Variants in NFATC1 observed in about 807,000 individuals in gnomAD.
The protein encoded by NFATC1 is nuclear factor of activated T cells 1.
NFATC1 carries 22 observed loss-of-function variants against 76.0 expected under a neutral mutation model. The ratio of observed to expected loss-of-function variants is 0.29; its 90% CI spans 0.21 to 0.41. The LOEUF is 0.41. Ranked by LOEUF, NFATC1 falls within the 10% of genes least tolerant of loss-of-function variation. The pLI is 1.00. For synonymous variants in NFATC1, 704 were observed against 613.1 expected (o/e 1.15, Z -2.19); for missense variants, 1,357 against 1,337.7 (o/e 1.01, Z -0.23).
At chr18:79,420,569 C>T (rs548797048) in intron 2 of NFATC1, among the ~76,000 whole-genome samples, 47 of 149,606 alleles carry the variant, frequency 3.1e-4, no homozygotes, top group Non-Finnish European at 5.8e-4. Flanking sequence ...CAGGTGACAT[C>T]GCTACAGACA....
intron 9 of NFATC1, among the ~76,000 whole-genome samples, chr18:79,512,655 C>G (rs1373605330): frequency 1.3e-5 from 2 of 152,222 alleles, no homozygotes; most frequent in African/African-American, 4.8e-5. Flanking sequence ...TGTGCCTCCC[C>G]CGTTTGCTGA....
chr18:79,523,542 C>T (rs2090670700), intron 9 of NFATC1, among the ~76,000 whole-genome samples: 2 of 152,264 alleles, frequency 1.3e-5, no homozygotes, highest in Admixed American at 1.3e-4. Context: ...GTGGCCCCAG[C>T]AAGGGCACAG....
intron 9 of NFATC1, among the ~76,000 whole-genome samples, chr18:79,503,014 G>T (rs1162455249): frequency 2.0e-5 from 3 of 152,240 alleles, no homozygotes; most frequent in Admixed American, 6.5e-5. Context: ...ACAAAGGCTT[G>T]TACATGACTG....
intron 3 of NFATC1, among the ~76,000 whole-genome samples, chr18:79,445,822 C>T (rs545307644): frequency 1.3e-5 from 2 of 152,304 alleles, no homozygotes; most frequent in Admixed American, 6.5e-5. Context: ...GACATTCCCA[C>T]CCGTGAGCTG....
chr18:79,520,327 C>G (rs1481620609), intron 9 of NFATC1, among the ~76,000 whole-genome samples: 1 of 137,128 alleles, frequency 7.3e-6, no homozygotes, highest in African/African-American at 2.5e-5. Flanking sequence ...GTGTTGATTT[C>G]AGAACAGGGG....
chr18:79,450,737 C>A (rs550873872), intron 4 of NFATC1, among the ~76,000 whole-genome samples: 1 of 152,318 alleles, frequency 6.6e-6, no homozygotes, highest in South Asian at 2.1e-4. Context: ...TCTGCTTGCC[C>A]CCTCGCCTGC....
At chr18:79,487,494 C>A (rs1322007379) in intron 9 of NFATC1, among the ~76,000 whole-genome samples, 1 of 152,210 alleles carries the variant, frequency 6.6e-6, no homozygotes, top group African/African-American at 2.4e-5. Context: ...CCTTCAGGCC[C>A]CAGGTGCAGG....
At chr18:79,456,463 G>A (rs1472730007) in intron 6 of NFATC1, among the ~76,000 whole-genome samples, 1 of 152,208 alleles carries the variant, frequency 6.6e-6, no homozygotes, top group Non-Finnish European at 1.5e-5. Context: ...GAAGCCCCGA[G>A]GCCCCTGCAG....
intron 9 of NFATC1, among the ~76,000 whole-genome samples, chr18:79,503,555 G>A (rs758984271): frequency 3.9e-5 from 6 of 152,154 alleles, no homozygotes; most frequent in Admixed American, 6.5e-5. Flanking sequence ...GGGCTTTGTC[G>A]CTCCATGGGT....
intron 6 of NFATC1, among the ~76,000 whole-genome samples, chr18:79,453,630 C>T (rs1271445276): frequency 3.3e-5 from 5 of 152,192 alleles, no homozygotes; most frequent in African/African-American, 1.2e-4. Flanking sequence ...TCCTCTTGTC[C>T]CATGAGGTCA....
At chr18:79,443,961 G>A (rs1568968959) in intron 3 of NFATC1, among the ~76,000 whole-genome samples, 1 of 152,210 alleles carries the variant, frequency 6.6e-6, no homozygotes, top group Non-Finnish European at 1.5e-5. Flanking sequence ...TTGGGGGTCA[G>A]GAGGGCCTGG....
At chr18:79,469,111 C>A (rs984917731) in intron 8 of NFATC1, 1 of 191,830 alleles carries the variant, frequency 5.2e-6, no homozygotes, top group Admixed American at 6.5e-5. Flanking sequence ...CTGTGCCGCC[C>A]ACACTTAGTG....
At chr18:79,512,257 C>T (rs1467356462) in intron 9 of NFATC1, among the ~76,000 whole-genome samples, 5 of 152,120 alleles carry the variant, frequency 3.3e-5, no homozygotes, top group South Asian at 2.1e-4. Flanking sequence ...GTTGAAACTG[C>T]GCCACAGGCA....
At chr18:79,448,710 T>C (rs1469524730) in intron 3 of NFATC1, 72 bp from the exon 4 acceptor site, 1 of 1,509,744 alleles carries the variant, frequency 6.6e-7, no homozygotes, top group African/African-American at 1.4e-5. Flanking sequence ...CCGCAGGTTT[T>C]CTCTGCGTTC....
chr18:79,494,722 G>A (rs1180398577), intron 9 of NFATC1, among the ~76,000 whole-genome samples: 220 of 68,388 alleles, frequency 3.2e-3, no homozygotes, highest in Middle Eastern at 0.017. Context: ...GCCGGGGGAA[G>A]GCGAGAGCGG....
chr18:79,495,546 G>A (rs540658973), intron 9 of NFATC1, among the ~76,000 whole-genome samples: 76 of 152,366 alleles, frequency 5.0e-4, no homozygotes, highest in African/African-American at 1.8e-3. Context: ...ATAGGGACGA[G>A]GTGGAAGGAA....
chr18:79,407,472 G>A lies in NFATC1; in HGVS notation c.128-2931G>A, dbSNP rs575140334. On this transcript the variant is annotated intron_variant, in intron 1 of 9. Coordinates refer to ENST00000427363, the MANE Select transcript of NFATC1 (RefSeq NM_001278669.2). ...TTTATTGATTTATTGATTTGACAGGGTCTTGCTGTGTCGCCCAGGCTGGAG... is the reference window on the plus strand; with the variant it reads ...TTTATTGATTTATTGATTTGACAGGATCTTGCTGTGTCGCCCAGGCTGGAG... Among the ~76,000 whole-genome samples, 6 of 152,272 alleles carry A rather than the reference G, an allele frequency of 3.9e-5. No individual in the cohort carries two copies. In the South Asian group the frequency reaches 1.2e-3, roughly 32 times the overall value.
At position 79,524,290 on chromosome 18, in the gene NFATC1, T is replaced by C. The variant is rs2090691102; in HGVS notation, c.2783-3238T>C. 6.6e-6 allele frequency among the ~76,000 whole-genome samples: 1 copy of C among 152,258 alleles called. No individual in the cohort carries two copies. The highest frequency in any genetic ancestry group is 6.5e-5 in the Admixed American group (1 of 15,294). On this transcript the variant is annotated intron_variant, in intron 9 of 9. Coordinates refer to ENST00000427363, the MANE Select transcript of NFATC1 (RefSeq NM_001278669.2). The surrounding 1 kb of genome is among the most constrained non-coding windows in gnomAD (Gnocchi z 7.2). ...GAAGCCGTGGCTTTCCTCTCAGGGC[T>C]ACGGCACAGGCCGTGTCTGCGGGGC...
At chr18:79,473,970 C>T (rs2088906843) in intron 8 of NFATC1, among the ~76,000 whole-genome samples, 1 of 147,416 alleles carries the variant, frequency 6.8e-6, no homozygotes, top group Non-Finnish European at 1.5e-5. Context: ...TGTTCTCGCG[C>T]TCACTGTCGA....
Sources: allele counts gnomAD v4.1 joint callset (sites outside exome capture counted in the v4.1 genomes callset), GRCh38; gene constraint gnomAD v4.1.1; non-coding constraint Gnocchi (gnomAD v3.1); transcripts MANE v1.5; gene names NCBI Gene and HGNC (gene_info 2026-07-23, HGNC 2026-07-21).